Variants in EPHA2 observed in about 807,000 individuals in gnomAD.
EPHA2 encodes the protein ephrin type-A receptor 2.
EPHA2 carries 54 observed loss-of-function variants against 104.9 expected under a neutral mutation model. That is an observed-to-expected ratio of 0.51 (90% CI 0.41 to 0.65). The LOEUF (loss-of-function observed/expected upper bound fraction) is 0.65, where lower values mean the gene tolerates loss of function less well. Ranked by LOEUF, EPHA2 falls within the 30% of genes least tolerant of loss-of-function variation. The probability of loss-of-function intolerance (pLI) is 0.00; values close to 1 mark genes in which losing one functional copy is unlikely to be tolerated. For synonymous variants in EPHA2, 560 were observed against 559.1 expected (o/e 1.00, Z -0.02); for missense variants, 1,117 against 1,369.5 (o/e 0.82, Z 2.91).
intron 3 of EPHA2, 119 bp from the exon 4 acceptor site, chr1:16,138,549 A>G (rs1467680025): frequency 1.4e-6 from 2 of 1,440,342 alleles, no homozygotes; most frequent in African/African-American, 1.4e-5. Context: ...GTAAATCTCT[A>G]TGGACCTGTT....
At chr1:16,136,998 C>T (rs561734270) in intron 5 of EPHA2, among the ~76,000 whole-genome samples, 2 of 151,838 alleles carry the variant, frequency 1.3e-5, no homozygotes, top group Admixed American at 6.5e-5. Context: ...TGGGGTTTCT[C>T]CATGTTGGTC....
At position 16,148,206 on chromosome 1, in the gene EPHA2, G is replaced by A. The variant is rs6603867; in HGVS notation, c.823+172C>T. 0.4 allele frequency among the ~76,000 whole-genome samples: 61,290 copies of A among 152,040 alleles called. 12,972 individuals carry two copies. Among genetic ancestry groups the A allele is most frequent in the Middle Eastern group, 0.5 (148 of 294 alleles). On this transcript the variant is annotated intron_variant, in intron 3 of 16. Transcript: ENST00000358432. The surrounding 1 kb of genome is among the most constrained non-coding windows in gnomAD (Gnocchi z 4.9). The stretch of plus-strand genomic sequence containing the variant: ...TCATTCATTCTTAATGAATGAGTTA[G>A]TCCAGCCTTAATAAGGAAACTGATG...
intron 5 of EPHA2, among the ~76,000 whole-genome samples, chr1:16,136,020 G>A (rs1473136018): frequency 6.6e-6 from 1 of 152,094 alleles, no homozygotes; most frequent in Non-Finnish European, 1.5e-5. Flanking sequence ...ACAGACACAT[G>A]CTACTGTACC....
chr1:16,148,269 T>C lies in EPHA2; in HGVS notation c.823+109A>G, dbSNP rs1569602107. 7 of 1,363,578 alleles carry C rather than the reference T, an allele frequency of 5.1e-6. No homozygotes were observed. The East Asian group carries it at 1.1e-4, about 22-fold the overall frequency. The allele number at this position is 1,363,578 out of a possible 1,614,324, so 84.5% of individuals were successfully genotyped here. A position where few individuals can be genotyped will look rare whatever the true frequency, so the allele number is the denominator to read the frequency against. On this transcript the variant is annotated intron_variant, in intron 3 of 16. Transcript: ENST00000358432. This position sits in a 1 kb window ranked among gnomAD's most constrained non-coding sequence, Gnocchi z 4.9. ...CTATAATTTCCACTAACAGAACTAA[T>C]GTGTGTCAAAGCAGGGATGAGCTTA...
chr1:16,137,497 C>A (rs2024735335), intron 5 of EPHA2, among the ~76,000 whole-genome samples: 1 of 152,108 alleles, frequency 6.6e-6, no homozygotes, highest in Admixed American at 6.5e-5. Context: ...ACTCCAGAGG[C>A]TGAGGCAGGA....
intron 5 of EPHA2, among the ~76,000 whole-genome samples, chr1:16,136,692 GGAAGAAGAA>G (rs545827541): frequency 3.5e-4 from 21 of 60,040 alleles, no homozygotes; most frequent in Admixed American, 7.0e-4. Context: ...AAGAAGAAGA[GGAAGAAGAA>G]GAAGAAGAAG....
chr1:16,135,251 C>T lies in EPHA2; in HGVS notation c.1429-62G>A, dbSNP rs985044791. ...GGGCAGGGCAGGGGCCTCGGCTCAG[C>T]CCGCTGGAGACCACCCCAAGCTAGC... On this transcript the variant is annotated intron_variant, in intron 6 of 16. Transcript: ENST00000358432. The surrounding 1 kb of genome is among the most constrained non-coding windows in gnomAD (Gnocchi z 4.3). 31 of 1,606,310 alleles carry T rather than the reference C, an allele frequency of 1.9e-5. No homozygotes were observed. Among genetic ancestry groups the T allele is most frequent in the Middle Eastern group, 4.1e-4 (2 of 4,872 alleles).
chr1:16,140,439 T>G (rs1172165304), intron 3 of EPHA2, among the ~76,000 whole-genome samples: 1 of 152,146 alleles, frequency 6.6e-6, no homozygotes, highest in Non-Finnish European at 1.5e-5. Context: ...CACTGTACCC[T>G]CATTTAGTCC....
At chr1:16,136,702 GA>G (rs774352118) in intron 5 of EPHA2, among the ~76,000 whole-genome samples, 27 of 84,160 alleles carry the variant, frequency 3.2e-4, no homozygotes, top group African/African-American at 2.1e-3. Context: ...GGAAGAAGAA[GA>G]AGAAGAAGAA....
Position 16,147,856 on chromosome 1 carries a change from G to A in EPHA2, c.823+522C>T, listed in dbSNP as rs541043397. ...TCAATCATAAACTCCACATTCTGCT[G>A]TTTCTCAATTCATTCATTCTTTTTT... On this transcript the variant is annotated intron_variant, in intron 3 of 16. Transcript: ENST00000358432. Among the ~76,000 whole-genome samples, 15 of 151,494 alleles carry A rather than the reference G, an allele frequency of 9.9e-5. No homozygotes were observed. In the East Asian group the frequency reaches 2.7e-3, roughly 27 times the overall value.
At position 16,129,526 on chromosome 1, in the gene EPHA2, CT is replaced by C. The variant is rs1391697705; in HGVS notation, c.2732del (p.Glu911GlyfsTer29). 6.2e-7 allele frequency: 1 copy of C among 1,613,564 alleles called. No homozygotes were observed. Among genetic ancestry groups the C allele is most frequent in the African/African-American group, 1.3e-5 (1 of 74,890 alleles). Reference sequence around the variant, plus strand: ...GCTGCATCTTGATGGACTCCAGCCACTCGGACACCGTGCGGAAGGGCACCCC... The same window carrying C: ...GCTGCATCTTGATGGACTCCAGCCACCGGACACCGTGCGGAAGGGCACCCC... ...SEGVPFRTVS[E>X]WLESIKMQQY... On this transcript the variant is annotated frameshift_variant, in exon 16 of 17. Coordinates refer to ENST00000358432, the MANE Select transcript of EPHA2 (RefSeq NM_004431.5). LOFTEE classifies it high-confidence loss of function.
chr1:16,154,756 C>CAAA (rs558609049), intron 1 of EPHA2, among the ~76,000 whole-genome samples: 151 of 65,906 alleles, frequency 2.3e-3, no homozygotes, highest in African/African-American at 2.5e-3. Context: ...AACTCCGTCT[C>CAAA]AAAAAAAAAA....
chr1:16,140,316 G>A (rs1225281848), intron 3 of EPHA2, among the ~76,000 whole-genome samples: 1 of 152,162 alleles, frequency 6.6e-6, no homozygotes, highest in African/African-American at 2.4e-5. Context: ...CAGGGAAGGG[G>A]GCTTGTCCCA....
intron 1 of EPHA2, chr1:16,153,118 C>T: frequency 1.1e-6 from 1 of 935,160 alleles, no homozygotes; most frequent in Non-Finnish European, 1.2e-6. Context: ...CTTACCTTCC[C>T]ATTTCTGGGG....
In EPHA2 at chr1:16,131,448, C is replaced by T. The variant is rs942661935; in HGVS notation, c.2475+273G>A. Among the ~76,000 whole-genome samples, 10 of 152,040 alleles carry T rather than the reference C, an allele frequency of 6.6e-5. No individual in the cohort carries two copies. Among genetic ancestry groups the T allele is most frequent in the East Asian group, 3.9e-4 (2 of 5,168 alleles). ...TACAAAAATTAGCTGGGTGTGGTGGCGCATGCCTGTAATCCCAGCTACTCG... is the reference window on the plus strand; with the variant it reads ...TACAAAAATTAGCTGGGTGTGGTGGTGCATGCCTGTAATCCCAGCTACTCG... On this transcript the variant is annotated intron_variant, in intron 14 of 16. Coordinates refer to ENST00000358432, the MANE Select transcript of EPHA2 (RefSeq NM_004431.5). This position sits in a 1 kb window ranked among gnomAD's most constrained non-coding sequence, Gnocchi z 5.2.
intron 3 of EPHA2, among the ~76,000 whole-genome samples, chr1:16,139,809 G>A (rs759690888): frequency 1.1e-4 from 17 of 152,168 alleles, no homozygotes; most frequent in Admixed American, 2.6e-4. Flanking sequence ...TCAATGCCAG[G>A]CCAAGAAGCT....
rs769561791 is a variant in EPHA2 at position 16,138,094 on chromosome 1, G to A, written c.1071C>T (p.Arg357=). 126 of 1,610,418 alleles carry A rather than the reference G, an allele frequency of 7.8e-5. No individual in the cohort carries two copies. The highest frequency in any genetic ancestry group is 9.9e-5 in the Non-Finnish European group (117 of 1,179,612). Residue 357 remains arginine, a synonymous_variant, in exon 5 of 17, where the codon CGC becomes CGT. Transcript: ENST00000358432. ...RWTPPQDSGG[R]EDIVYSVTCE... is the part of the protein sequence containing the mutation. ...AGGTGACGCTGTAGACAATGTCCTCGCGGCCCCCGCTGTCCTGAGGGGGCG... is the reference window on the plus strand; with the variant it reads ...AGGTGACGCTGTAGACAATGTCCTCACGGCCCCCGCTGTCCTGAGGGGGCG...
At chr1:16,143,022 TAG>T (rs2024855111) in intron 3 of EPHA2, among the ~76,000 whole-genome samples, 1 of 113,274 alleles carries the variant, frequency 8.8e-6, no homozygotes, top group Admixed American at 1.1e-4. Flanking sequence ...GATGGGTGGA[TAG>T]GTGGGTGGTT....
Position 16,148,788 on chromosome 1 carries a change from A to G in EPHA2, c.413T>C (p.Leu138Pro), listed in dbSNP as rs2024983304. Residue 138 changes from leucine (L) to proline (P), a missense_variant, in exon 3 of 17, where the codon CTG becomes CCG. By Grantham distance (98) the Leu-to-Pro change is moderately conservative. Coordinates refer to ENST00000358432, the MANE Select transcript of EPHA2 (RefSeq NM_004431.5). This position sits in a 1 kb window ranked among gnomAD's most constrained non-coding sequence, Gnocchi z 4.9. ...CGCAATGGTGTCAATCTTGGTGAACAGGCGCTTCTGGAAGTTGGTGCCGTA... is the reference window on the plus strand; with the variant it reads ...CGCAATGGTGTCAATCTTGGTGAACGGGCGCTTCTGGAAGTTGGTGCCGTA... Reference protein sequence around the residue: ...LDYGTNFQKRLFTKIDTIAPD... With the variant: ...LDYGTNFQKRPFTKIDTIAPD... 6.2e-7 allele frequency: 1 copy of G among 1,614,104 alleles called. No individual in the cohort carries two copies. Among genetic ancestry groups the G allele is most frequent in the South Asian group, 1.1e-5 (1 of 91,090 alleles).
Sources: gnomAD v4.1 joint callset for allele counts (sites outside exome capture counted in the v4.1 genomes callset) on GRCh38, gnomAD v4.1.1 for gene constraint, Gnocchi (gnomAD v3.1) non-coding constraint, MANE v1.5 for transcripts, NCBI Gene and HGNC (gene_info 2026-07-23, HGNC 2026-07-21) for gene names.